ANO2: variants seen among roughly 807,000 people sequenced by gnomAD.
The protein encoded by ANO2 is anoctamin 2, also known as anoctamin-2.
In ANO2, 101 loss-of-function variants were observed where a neutral mutation model predicts 124.2. The ratio of observed to expected loss-of-function variants is 0.81; its 90% CI spans 0.69 to 0.96. The LOEUF (loss-of-function observed/expected upper bound fraction) is 0.96. ANO2 is among the 40% of genes least tolerant of loss of function. ANO2 has a pLI of 0.00. For missense variants in ANO2, 1,293 were observed against 1,274.5 expected, an observed-to-expected ratio of 1.01 and a Z score of -0.22; for synonymous variants, 486 against 482.5, an observed-to-expected ratio of 1.01 and a Z score of -0.09.
In ANO2 at chr12:5,697,540, C is replaced by T. The variant is rs375551148; in HGVS notation, c.1545+34980G>A. On this transcript the variant is annotated intron_variant, in intron 14 of 24. Coordinates refer to ENST00000682330, the MANE Select transcript of ANO2 (RefSeq NM_001364791.2). ...CTCCCAGCATGAGCGATGCAGAAGA[C>T]GGATGATTTCTGCATTTCCAACTGA... Among the ~76,000 whole-genome samples, 18 of 152,312 alleles carry T rather than the reference C, an allele frequency of 1.2e-4. 1 individual carries two copies. In the South Asian group the frequency reaches 1.7e-3, roughly 14 times the overall value.
At chr12:5,741,417 C>T (rs926395985) in intron 12 of ANO2, among the ~76,000 whole-genome samples, 3 of 152,148 alleles carry the variant, frequency 2.0e-5, no homozygotes, top group Non-Finnish European at 2.9e-5. Flanking sequence ...AGGCCTTTCT[C>T]GAGTGGGTGT....
intron 9 of ANO2, among the ~76,000 whole-genome samples, chr12:5,804,050 C>T (rs1032021160): frequency 1.3e-5 from 2 of 152,266 alleles, no homozygotes; most frequent in African/African-American, 2.4e-5. Context: ...CCCTACACTG[C>T]GGCTCCCAAG....
chr12:5,761,250 T>G (rs547249968), intron 10 of ANO2, among the ~76,000 whole-genome samples: 113 of 152,106 alleles, frequency 7.4e-4, no homozygotes, highest in Non-Finnish European at 1.4e-3. Context: ...TCTAAGGAGT[T>G]AACTAAAACA....
chr12:5,707,633 C>T (rs948086675), intron 14 of ANO2, among the ~76,000 whole-genome samples: 1 of 152,144 alleles, frequency 6.6e-6, no homozygotes, highest in Non-Finnish European at 1.5e-5. Flanking sequence ...TTCCCCACCC[C>T]CAGAGGATAC....
rs1407753835 is a variant in ANO2 at position 5,812,228 on chromosome 12, GGGGGAA to G, written c.893-4866_893-4861del. On this transcript the variant is annotated intron_variant, in intron 7 of 24. Coordinates refer to ENST00000682330, the MANE Select transcript of ANO2 (RefSeq NM_001364791.2). ...GAAAAGGGAAGGAAAGGGAAGGGAA[GGGGGAA>G]GGGGAAGGGGAAGAGAGGGGAAAGG... Among the ~76,000 whole-genome samples the G allele has an allele frequency of 3.9e-4, 56 of 143,896 alleles. 1 individual carries two copies. Among genetic ancestry groups the G allele is most frequent in the East Asian group, 2.7e-3 (13 of 4,778 alleles). The allele number at this position is 143,896 out of a possible 152,430, so 94.4% of individuals were successfully genotyped here. A position where few individuals can be genotyped will look rare whatever the true frequency, so the allele number is the denominator to read the frequency against.
intron 3 of ANO2, among the ~76,000 whole-genome samples, chr12:5,895,438 A>G (rs902420763): frequency 2.0e-5 from 3 of 152,222 alleles, no homozygotes; most frequent in African/African-American, 7.2e-5. Context: ...ATTTGCAAAC[A>G]GAGACATACT....
chr12:5,708,226 A>C (rs1949688910), intron 14 of ANO2, among the ~76,000 whole-genome samples: 3 of 152,186 alleles, frequency 2.0e-5, no homozygotes, highest in Non-Finnish European at 2.9e-5. Context: ...AGACACTGTC[A>C]TCATCTGCTG....
At chr12:5,875,542 A>G (rs1315714826) in intron 3 of ANO2, among the ~76,000 whole-genome samples, 1 of 152,232 alleles carries the variant, frequency 6.6e-6, no homozygotes, top group East Asian at 1.9e-4. Context: ...TCAACCAAAG[A>G]AGGCAGCCAT....
intron 14 of ANO2, among the ~76,000 whole-genome samples, chr12:5,714,849 T>C (rs1327641949): frequency 6.6e-6 from 1 of 152,188 alleles, no homozygotes; most frequent in Non-Finnish European, 1.5e-5. Flanking sequence ...AGGAAAAGCA[T>C]AAAACACATT....
At chr12:5,895,261 G>A (rs923747220) in intron 3 of ANO2, among the ~76,000 whole-genome samples, 13 of 152,216 alleles carry the variant, frequency 8.5e-5, no homozygotes, top group African/African-American at 2.2e-4. Context: ...AATTGTGAAT[G>A]GGAGTTCACT....
chr12:5,871,700 T>C (rs997030739), intron 3 of ANO2, among the ~76,000 whole-genome samples: 25 of 152,138 alleles, frequency 1.6e-4, no homozygotes, highest in African/African-American at 3.6e-4. Flanking sequence ...CATGGAAAAA[T>C]TGTCTTCCAT....
intron 14 of ANO2, among the ~76,000 whole-genome samples, chr12:5,693,762 T>C (rs1209192561): frequency 2.6e-5 from 4 of 152,168 alleles, no homozygotes; most frequent in African/African-American, 9.7e-5. Context: ...GAGTTTGCTC[T>C]ACATCAGGAC....
chr12:5,693,374 G>A (rs536907212), intron 14 of ANO2, among the ~76,000 whole-genome samples: 2 of 152,110 alleles, frequency 1.3e-5, no homozygotes, highest in African/African-American at 4.8e-5. Context: ...AACAAATATT[G>A]AATGATTTGC....
At chr12:5,898,888 C>T (rs1233188925) in intron 3 of ANO2, among the ~76,000 whole-genome samples, 2 of 152,152 alleles carry the variant, frequency 1.3e-5, no homozygotes, top group Non-Finnish European at 2.9e-5. Context: ...CTGATATATG[C>T]TATACTTCCA....
chr12:5,858,094 C>T (rs1409895369), intron 3 of ANO2, among the ~76,000 whole-genome samples: 6 of 152,106 alleles, frequency 3.9e-5, no homozygotes, highest in Admixed American at 2.6e-4. Context: ...AGGAGGAATA[C>T]CTTCCAGTGT....
intron 15 of ANO2, among the ~76,000 whole-genome samples, chr12:5,637,443 C>G (rs2136940858): frequency 6.6e-6 from 1 of 151,862 alleles, no homozygotes; most frequent in East Asian, 1.9e-4. Context: ...TGTTTAGGGT[C>G]TTGTGGGAGG....
chr12:5,614,028 G>A (rs1203112657), intron 17 of ANO2, among the ~76,000 whole-genome samples: 1 of 152,208 alleles, frequency 6.6e-6, no homozygotes, highest in African/African-American at 2.4e-5. Flanking sequence ...ATTATCAAGT[G>A]TGGATGATGA....
chr12:5,602,971 A>G (rs1944014912), intron 19 of ANO2, among the ~76,000 whole-genome samples: 2 of 152,238 alleles, frequency 1.3e-5, no homozygotes, highest in African/African-American at 2.4e-5. Context: ...ACTTTTAAGT[A>G]TGCAAGGTTT....
At chr12:5,620,854 T>G (rs1945083383) in intron 16 of ANO2, among the ~76,000 whole-genome samples, 2 of 152,294 alleles carry the variant, frequency 1.3e-5, no homozygotes, top group South Asian at 2.1e-4. Flanking sequence ...CTGCCGCTTC[T>G]GTCATTTCTT....
Sources: gnomAD v4.1 joint callset for allele counts (sites outside exome capture counted in the v4.1 genomes callset) on GRCh38, gnomAD v4.1.1 for gene constraint, MANE v1.5 for transcripts, NCBI Gene and HGNC (gene_info 2026-07-23, HGNC 2026-07-21) for gene names.